Variants in NRXN1 observed in about 807,000 individuals in gnomAD.
The protein encoded by NRXN1 is neurexin-1.
NRXN1 carries 39 observed loss-of-function variants against 150.9 expected under a neutral mutation model. That is an observed-to-expected ratio of 0.26 (90% confidence interval 0.20 to 0.34). The LOEUF (loss-of-function observed/expected upper bound fraction) is 0.34. Among genes scored for constraint, NRXN1 ranks in the 10% least tolerant of loss-of-function variants. NRXN1 has a pLI of 1.00. For missense variants in NRXN1, 1,815 were observed against 1,949.9 expected (o/e 0.93, Z 1.30); for synonymous variants, 924 against 757.0 (o/e 1.22, Z -3.62).
chr2:50,954,922 T>C (rs556317971), intron 2 of NRXN1, among the ~76,000 whole-genome samples: 1 of 152,088 alleles, frequency 6.6e-6, no homozygotes, highest in Non-Finnish European at 1.5e-5. Context: ...GTGTACAGCA[T>C]TTTTGCTATA....
chr2:50,008,897 G>T (rs1685197550), intron 21 of NRXN1, among the ~76,000 whole-genome samples: 1 of 152,082 alleles, frequency 6.6e-6, no homozygotes, highest in African/African-American at 2.4e-5. Context: ...ATGTTTGGTT[G>T]TGAGAGGGTG....
At chr2:50,078,645 T>C (rs1163402234) in intron 19 of NRXN1, among the ~76,000 whole-genome samples, 1 of 152,102 alleles carries the variant, frequency 6.6e-6, no homozygotes. Flanking sequence ...ATTCGTGTAG[T>C]TAACACTTTT....
intron 21 of NRXN1, among the ~76,000 whole-genome samples, chr2:49,984,514 T>C (rs1191323971): frequency 2.7e-5 from 2 of 73,106 alleles, no homozygotes; most frequent in African/African-American, 8.8e-5. Context: ...AGGACTCATA[T>C]TGAAGTGAGT....
chr2:50,833,729 G>T (rs895781619), intron 5 of NRXN1, among the ~76,000 whole-genome samples: 3 of 152,104 alleles, frequency 2.0e-5, no homozygotes, highest in African/African-American at 7.2e-5. Flanking sequence ...TGTAGTGGTG[G>T]TTATACAAAA....
chr2:50,868,661 T>G (rs972081047), intron 5 of NRXN1, among the ~76,000 whole-genome samples: 13 of 151,892 alleles, frequency 8.6e-5, no homozygotes, highest in African/African-American at 3.1e-4. Context: ...TTAAAATTAT[T>G]GTAGACAATT....
chr2:50,865,260 T>C (rs987644491), intron 5 of NRXN1, among the ~76,000 whole-genome samples: 3 of 151,938 alleles, frequency 2.0e-5, no homozygotes, highest in African/African-American at 7.2e-5. Flanking sequence ...GAAAGGAAGC[T>C]CTTAGACTAG....
intron 5 of NRXN1, among the ~76,000 whole-genome samples, chr2:50,893,436 G>A (rs1205383282): frequency 6.6e-6 from 1 of 152,016 alleles, no homozygotes; most frequent in African/African-American, 2.4e-5. Flanking sequence ...AATATATAAG[G>A]CAGCCTCAAT....
chr2:50,344,677 G>A (rs2077800844), intron 17 of NRXN1, among the ~76,000 whole-genome samples: 2 of 152,312 alleles, frequency 1.3e-5, no homozygotes, highest in South Asian at 4.1e-4. Flanking sequence ...GCCAGCAGAC[G>A]GCGCCTGACT....
intron 17 of NRXN1, among the ~76,000 whole-genome samples, chr2:50,289,088 A>G (rs1402170): frequency 0.18 from 26,828 of 152,068 alleles, 2,584 homozygotes; most frequent in East Asian, 0.38. Flanking sequence ...TATAAGGAGA[A>G]ATAGAACTGG....
At chr2:50,507,346 C>CA (rs1268476105) in intron 12 of NRXN1, among the ~76,000 whole-genome samples, 1 of 150,538 alleles carries the variant, frequency 6.6e-6, no homozygotes, top group Non-Finnish European at 1.5e-5. Context: ...AGTATTGACT[C>CA]ACAGTAAGTG....
intron 5 of NRXN1, among the ~76,000 whole-genome samples, chr2:50,749,372 A>C (rs755478641): frequency 1.3e-5 from 2 of 151,978 alleles, no homozygotes; most frequent in Non-Finnish European, 1.5e-5. Flanking sequence ...CGTGAATCCC[A>C]TTCTTTTTTC....
intron 5 of NRXN1, among the ~76,000 whole-genome samples, chr2:50,717,787 T>C (rs2105094473): frequency 6.6e-6 from 1 of 152,266 alleles, no homozygotes; most frequent in African/African-American, 2.4e-5. Flanking sequence ...CTCTTTTTAC[T>C]GTGCCATTGC....
chr2:51,006,860 T>A (rs1033216054), intron 2 of NRXN1, among the ~76,000 whole-genome samples: 2 of 151,928 alleles, frequency 1.3e-5, no homozygotes, highest in African/African-American at 4.8e-5. Flanking sequence ...GCCTTAGCTG[T>A]CTTATCCTCT....
At chr2:50,993,327 G>A (rs967432779) in intron 2 of NRXN1, among the ~76,000 whole-genome samples, 26 of 151,988 alleles carry the variant, frequency 1.7e-4, no homozygotes, top group African/African-American at 5.8e-4. Context: ...CCTAGGGCTA[G>A]TCTCAGTGTG....
intron 21 of NRXN1, among the ~76,000 whole-genome samples, chr2:49,969,304 G>C (rs1208980327): frequency 2.6e-5 from 4 of 151,994 alleles, no homozygotes; most frequent in Non-Finnish European, 4.4e-5. Flanking sequence ...TTAAAACAAT[G>C]ATTTTGAAGC....
intron 17 of NRXN1, among the ~76,000 whole-genome samples, chr2:50,452,492 T>C (rs1198732230): frequency 6.6e-6 from 1 of 152,152 alleles, no homozygotes; most frequent in Non-Finnish European, 1.5e-5. Flanking sequence ...CAAGGCCACA[T>C]ACTGGGATTA....
intron 2 of NRXN1, among the ~76,000 whole-genome samples, chr2:51,008,572 T>C (rs1217128741): frequency 6.6e-6 from 1 of 151,888 alleles, no homozygotes; most frequent in Non-Finnish European, 1.5e-5. Flanking sequence ...TCCTTTCCTC[T>C]CTTGCCCATT....
intron 18 of NRXN1, among the ~76,000 whole-genome samples, chr2:50,201,688 A>AC (rs1314681137): frequency 6.6e-6 from 1 of 152,240 alleles, no homozygotes; most frequent in Non-Finnish European, 1.5e-5. Context: ...AAACAACCAT[A>AC]CACACGCATT....
intron 17 of NRXN1, among the ~76,000 whole-genome samples, chr2:50,462,565 C>CATT (rs2088341820): frequency 6.6e-6 from 1 of 151,784 alleles, no homozygotes; most frequent in Non-Finnish European, 1.5e-5. Flanking sequence ...GAGTATATGA[C>CATT]ATTACCCTGT....
Sources: gnomAD v4.1 joint callset for allele counts (sites outside exome capture counted in the v4.1 genomes callset) on GRCh38, gnomAD v4.1.1 for gene constraint, MANE v1.5 for transcripts, NCBI Gene and HGNC (gene_info 2026-07-23, HGNC 2026-07-21) for gene names.